The following CDC40 variants were observed in gnomAD, a reference collection of about 807,000 sequenced individuals.
CDC40 encodes the protein pre-mRNA-processing factor 17.
CDC40 carries 27 observed loss-of-function variants against 80.6 expected under a neutral mutation model. That is an observed-to-expected ratio of 0.33 (90% CI 0.25 to 0.46). CDC40 has a LOEUF of 0.46. CDC40 is among the 20% of genes least tolerant of loss of function. The pLI is 1.00. For synonymous variants in CDC40, 221 were observed against 232.6 expected, an observed-to-expected ratio of 0.95 and a Z score of 0.45; for missense variants, 486 against 694.1, an observed-to-expected ratio of 0.70 and a Z score of 3.37.
At position 110,212,262 on chromosome 6, in the gene CDC40, GAC is replaced by G; in HGVS notation, c.863_864del (p.Thr288LysfsTer24). 1 of 1,613,828 alleles carries G rather than the reference GAC, an allele frequency of 6.2e-7. No homozygotes were observed. The highest frequency in any genetic ancestry group is 8.5e-7 in the Non-Finnish European group (1 of 1,179,902). On this transcript the variant is annotated frameshift_variant, in exon 7 of 15. Transcript: ENST00000307731. LOFTEE classifies it high-confidence loss of function. Reference sequence around the variant, plus strand: ...AAAAAACAAATTCATGTGTGGTCTGGACACACAAAGGTAAGCAAGTTGGTTGT... The same window carrying G: ...AAAAAACAAATTCATGTGTGGTCTGGACACAAAGGTAAGCAAGTTGGTTGT...
intron 2 of CDC40, among the ~76,000 whole-genome samples, chr6:110,195,173 A>C (rs1777402897): frequency 6.6e-6 from 1 of 152,214 alleles, no homozygotes; most frequent in South Asian, 2.1e-4. Context: ...CACTTGGCAA[A>C]GTCTGGAAAA....
In CDC40 at chr6:110,223,982, G is replaced by A. The variant is rs188264593; in HGVS notation, c.1341-2185G>A. ...CGAGTAGCTGGGACTACAGTAATGC[G>A]CCACCATGCTCAGCTAATTTTTGTA... On this transcript the variant is annotated intron_variant, in intron 12 of 14. Coordinates refer to ENST00000307731, the MANE Select transcript of CDC40 (RefSeq NM_015891.3). 4.7e-3 allele frequency among the ~76,000 whole-genome samples: 716 copies of A among 152,054 alleles called. 3 individuals are homozygous for A. Among genetic ancestry groups the A allele is most frequent in the African/African-American group, 0.017 (685 of 41,466 alleles).
At chr6:110,217,472 T>A (rs1250760665) in intron 9 of CDC40, among the ~76,000 whole-genome samples, 1 of 152,208 alleles carries the variant, frequency 6.6e-6, no homozygotes, top group Non-Finnish European at 1.5e-5. Flanking sequence ...CAAGATGTTA[T>A]GCATCAGAAT....
In CDC40 at chr6:110,209,161, G is replaced by A. The variant is rs374878520; in HGVS notation, c.568G>A (p.Asp190Asn). The part of the protein sequence containing the change: ...KFKENDASNI[D>N]GFLGPWAKYV... ...TAAAGAAAATGATGCATCCAATATT[G>A]ATGGTTTTTTGGGACCATGGGCAAA... is the stretch of plus-strand genomic sequence containing the variant. The change falls in exon 5 of 15, where the codon GAT (aspartate) becomes AAT (asparagine). Residue 190 changes from aspartate (D) to asparagine (N), a missense_variant. Around this residue, in one of 3 missense-constraint regions of CDC40, gnomAD observed 381 missense variants for 492.1 expected, o/e 0.77. Coordinates refer to ENST00000307731, the MANE Select transcript of CDC40 (RefSeq NM_015891.3). The A allele has an allele frequency of 6.8e-6, 11 of 1,609,362 alleles. No individual in the cohort carries two copies. In the African/African-American group the frequency reaches 1.3e-4, roughly 20 times the overall value.
chr6:110,228,407 C>T (rs964343259), intron 13 of CDC40, among the ~76,000 whole-genome samples: 2 of 151,874 alleles, frequency 1.3e-5, no homozygotes, highest in African/African-American at 4.8e-5. Context: ...ATTTAATAAC[C>T]CTAGGCTTTC....
At chr6:110,220,396 C>T (rs1261120364) in intron 12 of CDC40, among the ~76,000 whole-genome samples, 2 of 150,854 alleles carry the variant, frequency 1.3e-5, no homozygotes, top group African/African-American at 2.4e-5. Context: ...AACTTAAGTT[C>T]CACATGGCTA....
At chr6:110,183,224 T>G (rs142937106) in intron 1 of CDC40, among the ~76,000 whole-genome samples, 1 of 152,388 alleles carries the variant, frequency 6.6e-6, no homozygotes, top group East Asian at 1.9e-4. Context: ...GTTCATCTTT[T>G]TCTTTCCTCT....
intron 2 of CDC40, among the ~76,000 whole-genome samples, chr6:110,194,962 C>G (rs1480960536): frequency 6.6e-6 from 1 of 152,038 alleles, no homozygotes; most frequent in Non-Finnish European, 1.5e-5. Context: ...CTTTAATGTT[C>G]TTTTTCCTCG....
At chr6:110,190,566 C>T (rs1777333257) in intron 1 of CDC40, among the ~76,000 whole-genome samples, 1 of 152,212 alleles carries the variant, frequency 6.6e-6, no homozygotes, top group East Asian at 1.9e-4. Context: ...TTGGACACAG[C>T]ATAGTGTTTG....
chr6:110,209,076 TAACGTAGG>T lies in CDC40; in HGVS notation c.491-7_491del. 1 of 1,481,806 alleles carries T rather than the reference TAACGTAGG, an allele frequency of 6.7e-7. No individual in the cohort carries two copies. The highest frequency in any genetic ancestry group is 9.2e-7 in the Non-Finnish European group (1 of 1,090,120). The allele number at this position is 1,481,806 out of a possible 1,614,324, so 91.8% of individuals were successfully genotyped here. A position where few individuals can be genotyped will look rare whatever the true frequency, so the allele number is the denominator to read the frequency against. On this transcript the variant is annotated splice_acceptor_variant and splice_polypyrimidine_tract_variant and coding_sequence_variant and intron_variant, in exon 5 of 15. Coordinates refer to ENST00000307731, the MANE Select transcript of CDC40 (RefSeq NM_015891.3). LOFTEE classifies it high-confidence loss of function. ...GTTTTTTTTTTAATTTTTTTTTTGT[TAACGTAGG>T]TTTAACTGTATTTGAAACTGGTCAG... is the stretch of plus-strand genomic sequence containing the variant.
chr6:110,183,229 T>C (rs1777223368), intron 1 of CDC40, among the ~76,000 whole-genome samples: 1 of 152,226 alleles, frequency 6.6e-6, no homozygotes. Flanking sequence ...TCTTTTTCTT[T>C]CCTCTGGACT....
In CDC40 at chr6:110,210,748, G is replaced by A. The variant is rs201662538; in HGVS notation, c.672G>A (p.Gln224=). 43 of 1,581,026 alleles carry A rather than the reference G, an allele frequency of 2.7e-5. No homozygotes were observed. The highest frequency in any genetic ancestry group is 3.2e-5 in the Non-Finnish European group (37 of 1,165,890). ...TGGATGAAATCACAGCAAAGAGGCA[G>A]AAAAAAGGAAAACAGGAAGAAGAGA... ...KELDEITAKR[Q]KKGKQEEEKP... Residue 224 remains glutamine (Q), a synonymous_variant, in exon 6 of 15, where the codon CAG becomes CAA. Transcript: ENST00000307731.
intron 8 of CDC40, among the ~76,000 whole-genome samples, chr6:110,213,440 A>C (rs1777662380): frequency 7.0e-6 from 1 of 143,808 alleles, no homozygotes; most frequent in Non-Finnish European, 1.5e-5. Context: ...CCCAGGCTGG[A>C]GTGCAGTGGC....
chr6:110,198,973 G>C (rs1777454744), intron 2 of CDC40: 1 of 152,198 alleles, frequency 6.6e-6, no homozygotes, highest in Non-Finnish European at 1.5e-5. Flanking sequence ...TGAGTAATTG[G>C]GAAGAGCTGA....
At chr6:110,218,543 G>A (rs1777728329) in intron 10 of CDC40, among the ~76,000 whole-genome samples, 1 of 152,112 alleles carries the variant, frequency 6.6e-6, no homozygotes, top group Non-Finnish European at 1.5e-5. Flanking sequence ...TAGCAGACTT[G>A]GGTTCAAACG....
chr6:110,220,780 G>A (rs9487316), intron 12 of CDC40, among the ~76,000 whole-genome samples: 52,246 of 151,960 alleles, frequency 0.34, 9,908 homozygotes, highest in African/African-American at 0.52. Flanking sequence ...AGCAAGAGAG[G>A]GAATGAGAGC....
intron 8 of CDC40, 115 bp from the exon 9 acceptor site, chr6:110,215,171 T>C: frequency 1.3e-6 from 1 of 746,082 alleles, no homozygotes; most frequent in South Asian, 1.6e-5. Flanking sequence ...TGATTGAAGC[T>C]GTGCGTTTAC....
chr6:110,213,906 G>A (rs182698869), intron 8 of CDC40, among the ~76,000 whole-genome samples: 1 of 152,152 alleles, frequency 6.6e-6, no homozygotes, highest in African/African-American at 2.4e-5. Context: ...TGAATATGCA[G>A]GATGTCTTGA....
At chr6:110,229,376 T>A (rs888196811) in intron 14 of CDC40, among the ~76,000 whole-genome samples, 5 of 152,154 alleles carry the variant, frequency 3.3e-5, no homozygotes, top group African/African-American at 1.2e-4. Context: ...CACTACAGCT[T>A]GTCTGTGCTG....
Sources: allele counts gnomAD v4.1 joint callset (sites outside exome capture counted in the v4.1 genomes callset), GRCh38; gene constraint gnomAD v4.1.1; regional missense constraint gnomAD v4.1.1; transcripts MANE v1.5; gene names NCBI Gene and HGNC (gene_info 2026-07-23, HGNC 2026-07-21).